Variants in PRKAG2 observed in about 807,000 individuals in gnomAD.
PRKAG2 encodes the protein 5'-AMP-activated protein kinase subunit gamma-2.
A neutral mutation model predicts 69.6 loss-of-function variants in PRKAG2; 26 were observed. That is an observed-to-expected ratio of 0.37 (90% CI 0.27 to 0.52). PRKAG2 has a LOEUF of 0.52. Among genes scored for constraint, PRKAG2 ranks in the 20% least tolerant of loss-of-function variants. PRKAG2 has a pLI of 0.90. For synonymous variants in PRKAG2, 293 were observed against 285.0 expected (o/e 1.03, Z -0.28); for missense variants, 557 against 740.0 (o/e 0.75, Z 2.87).
chr7:151,850,538 A>C lies in PRKAG2; in HGVS notation c.114+25969T>G, dbSNP rs1352040387. ...GAGATGGCATTGGCCATGCTCATCA[A>C]AGCAGCCCAAGCTCACACTCAGCCA... On this transcript the variant is annotated intron_variant, in intron 1 of 15. Transcript: ENST00000287878. This position sits in a 1 kb window ranked among gnomAD's most constrained non-coding sequence, Gnocchi z 4.1. 6.6e-6 allele frequency among the ~76,000 whole-genome samples: 1 copy of C among 152,192 alleles called. No homozygotes were observed. Among genetic ancestry groups the C allele is most frequent in the East Asian group, 1.9e-4 (1 of 5,184 alleles).
chr7:151,726,586 C>T (rs116088319), intron 3 of PRKAG2, among the ~76,000 whole-genome samples: 3,266 of 152,202 alleles, frequency 0.021, 115 homozygotes, highest in African/African-American at 0.074. Flanking sequence ...ACGCAGGAGT[C>T]GTTGTCTGGG....
intron 3 of PRKAG2, among the ~76,000 whole-genome samples, chr7:151,753,061 G>A (rs956730858): frequency 6.6e-6 from 1 of 152,384 alleles, no homozygotes; most frequent in South Asian, 2.1e-4. Context: ...GGCTCTGATG[G>A]TGAGGAAATG....
chr7:151,855,470 T>C (rs867385450), intron 1 of PRKAG2, among the ~76,000 whole-genome samples: 5 of 7,700 alleles, frequency 6.5e-4, no homozygotes, highest in Admixed American at 3.2e-3. Flanking sequence ...ACACACACCA[T>C]GCTCCACACA....
At chr7:151,573,017 G>A (rs1807962705) in intron 8 of PRKAG2, among the ~76,000 whole-genome samples, 1 of 152,066 alleles carries the variant, frequency 6.6e-6, no homozygotes, top group Non-Finnish European at 1.5e-5. Context: ...GGAGGCTGAG[G>A]CAGGAGAATT....
intron 1 of PRKAG2, among the ~76,000 whole-genome samples, chr7:151,865,564 C>A (rs73160060): frequency 0.016 from 2,373 of 152,278 alleles, 24 homozygotes; most frequent in Non-Finnish European, 0.023. Context: ...CAACAGGCTG[C>A]GGTCAATACT....
chr7:151,718,773 C>T (rs1038855561), intron 3 of PRKAG2, among the ~76,000 whole-genome samples: 77 of 152,122 alleles, frequency 5.1e-4, no homozygotes, highest in African/African-American at 1.8e-3. Flanking sequence ...CTGGAGGGAC[C>T]CCTTCCATGG....
intron 1 of PRKAG2, among the ~76,000 whole-genome samples, chr7:151,796,201 G>A (rs1277777004): frequency 6.6e-6 from 1 of 151,996 alleles, no homozygotes; most frequent in Admixed American, 6.6e-5. Context: ...CTGTTTGGAA[G>A]CTCTCAGCCT....
chr7:151,561,767 T>C (rs926035821), intron 14 of PRKAG2, among the ~76,000 whole-genome samples: 7 of 151,176 alleles, frequency 4.6e-5, no homozygotes, highest in Admixed American at 1.3e-4. Context: ...ACCCTGTCTC[T>C]ACTAAAAATA....
At chr7:151,786,445 G>A (rs1269488481) in intron 2 of PRKAG2, 25 bp downstream of exon 2, 1 of 1,595,706 alleles carries the variant, frequency 6.3e-7, no homozygotes, top group Admixed American at 1.7e-5. Context: ...TGAGCTGTGA[G>A]AAACTTCTGG....
intron 5 of PRKAG2, among the ~76,000 whole-genome samples, chr7:151,631,366 C>G (rs1398333552): frequency 6.6e-6 from 1 of 152,136 alleles, no homozygotes; most frequent in Non-Finnish European, 1.5e-5. Flanking sequence ...AAATAAGATC[C>G]TGGTGAAAGC....
At chr7:151,732,317 T>G (rs1483287851) in intron 3 of PRKAG2, among the ~76,000 whole-genome samples, 1 of 151,946 alleles carries the variant, frequency 6.6e-6, no homozygotes, top group Non-Finnish European at 1.5e-5. Flanking sequence ...TGTTGTATTT[T>G]TCATAGAGAT....
intron 3 of PRKAG2, among the ~76,000 whole-genome samples, chr7:151,764,011 G>C (rs1428177117): frequency 6.6e-6 from 1 of 152,236 alleles, no homozygotes. Context: ...TCCAGGTGGA[G>C]AGGGGCACAA....
In PRKAG2 at chr7:151,712,567, A is replaced by C. The variant is rs150390787; in HGVS notation, c.467-36930T>G. On this transcript the variant is annotated intron_variant, in intron 3 of 15. Coordinates refer to ENST00000287878, the MANE Select transcript of PRKAG2 (RefSeq NM_016203.4). The stretch of plus-strand genomic sequence containing the variant: ...ATGAGCTGACACCCGGCCAGAGCCA[A>C]GCCCAGGGATGGGAGGTGCCCACTG... 1.2e-3 allele frequency among the ~76,000 whole-genome samples: 182 copies of C among 152,372 alleles called. 5 individuals are homozygous for C. The East Asian group carries it at 0.019, about 16-fold the overall frequency.
intron 5 of PRKAG2, among the ~76,000 whole-genome samples, chr7:151,598,306 G>A (rs1815128905): frequency 6.6e-6 from 1 of 152,144 alleles, no homozygotes; most frequent in Admixed American, 6.5e-5. Flanking sequence ...GGGAGGGAAT[G>A]GGGTGGGGGT....
intron 6 of PRKAG2, among the ~76,000 whole-genome samples, chr7:151,586,817 A>C (rs1050361859): frequency 3.9e-5 from 6 of 152,094 alleles, no homozygotes; most frequent in Non-Finnish European, 7.4e-5. Flanking sequence ...GTGCCTCTTA[A>C]TTTTAACACT....
chr7:151,730,863 C>T (rs1160839361), intron 3 of PRKAG2, among the ~76,000 whole-genome samples: 2 of 152,096 alleles, frequency 1.3e-5, no homozygotes, highest in Admixed American at 6.5e-5. Context: ...GAAGCCGTTG[C>T]GTAGTCATGC....
intron 3 of PRKAG2, among the ~76,000 whole-genome samples, chr7:151,728,243 G>C (rs1422808001): frequency 6.6e-6 from 1 of 152,134 alleles, no homozygotes; most frequent in African/African-American, 2.4e-5. Flanking sequence ...GTTGATTTAC[G>C]CTGAGAGCAC....
rs545328603 is a variant in PRKAG2 at position 151,694,102 on chromosome 7, G to A, written c.467-18465C>T. Among the ~76,000 whole-genome samples the A allele has an allele frequency of 1.3e-3, 196 of 152,234 alleles. 1 individual carries two copies. The South Asian group carries it at 0.013, about 10-fold the overall frequency. ...TTGGCCAGGCTGGTCTTGAACTCCC[G>A]ACCTCGAGTGATCTGCCCGCCTCAG... is the stretch of plus-strand genomic sequence containing the variant. On this transcript the variant is annotated intron_variant, in intron 3 of 15. Coordinates refer to ENST00000287878, the MANE Select transcript of PRKAG2 (RefSeq NM_016203.4).
intron 3 of PRKAG2, among the ~76,000 whole-genome samples, chr7:151,682,847 C>T (rs1834087552): frequency 6.6e-6 from 1 of 152,152 alleles, no homozygotes; most frequent in African/African-American, 2.4e-5. Flanking sequence ...GGCTCAGAAA[C>T]CCCAGGAAAG....
Sources: gnomAD v4.1 joint callset for allele counts (sites outside exome capture counted in the v4.1 genomes callset) on GRCh38, gnomAD v4.1.1 for gene constraint, Gnocchi (gnomAD v3.1) non-coding constraint, MANE v1.5 for transcripts, NCBI Gene and HGNC (gene_info 2026-07-23, HGNC 2026-07-21) for gene names.